The following ZSWIM5 variants were observed in gnomAD, a reference collection of about 807,000 sequenced individuals.
ZSWIM5 encodes the protein zinc finger SWIM domain-containing protein 5.
A neutral mutation model predicts 119.6 loss-of-function variants in ZSWIM5; 55 were observed. That is an observed-to-expected ratio of 0.46 (90% CI 0.37 to 0.58). ZSWIM5 has a LOEUF of 0.58. Among genes scored for constraint, ZSWIM5 ranks in the 20% least tolerant of loss-of-function variants. The pLI is 0.00. For synonymous variants in ZSWIM5, 537 were observed against 606.9 expected, an observed-to-expected ratio of 0.88 and a Z score of 1.69; for missense variants, 1,193 against 1,512.8, an observed-to-expected ratio of 0.79 and a Z score of 3.51.
rs756684057 is a variant in ZSWIM5, at chr1:45,205,815, G to A, written c.536C>T (p.Pro179Leu). ...CAGCAGACGGATGCCCCGGCGGAAC[G>A]GGAGCCCCTCGCCACCGCAGCCGGC... ...GAAGCGGEGL[P>L]FRRGIRLLDS... Residue 179 changes from proline to leucine, a missense_variant, in exon 1 of 14, where the codon CCG becomes CTG. This residue lies in a region of ZSWIM5 where 961 missense variants were observed against 1,290.0 expected (regional missense o/e 0.74). Coordinates refer to ENST00000359600, the MANE Select transcript of ZSWIM5 (RefSeq NM_020883.2). 1.3e-6 allele frequency: 2 copies of A among 1,536,034 alleles called. No homozygotes were observed. Among genetic ancestry groups the A allele is most frequent in the African/African-American group, 1.4e-5 (1 of 70,902 alleles).
intron 1 of ZSWIM5, among the ~76,000 whole-genome samples, chr1:45,131,303 T>C (rs544802671): frequency 6.7e-4 from 102 of 152,312 alleles, no homozygotes; most frequent in Non-Finnish European, 1.1e-3. Context: ...TATAAATTTA[T>C]AATTATCTCA....
rs539391084 is a variant in ZSWIM5 at position 45,108,133 on chromosome 1, A to C, written c.596-19896T>G. 2.0e-5 allele frequency among the ~76,000 whole-genome samples: 3 copies of C among 152,310 alleles called. No individual in the cohort carries two copies. In the East Asian group the frequency reaches 5.8e-4, roughly 29 times the overall value. On this transcript the variant is annotated intron_variant, in intron 1 of 13. Transcript: ENST00000359600. ...TCCTTTTCAGCTCACAGATTTGAAC[A>C]TAGATTGGGAAAAATAAATCACCCT...
At chr1:45,107,064 C>A (rs1012729043) in intron 1 of ZSWIM5, among the ~76,000 whole-genome samples, 2 of 152,178 alleles carry the variant, frequency 1.3e-5, no homozygotes, top group African/African-American at 4.8e-5. Context: ...TACCCAGGGA[C>A]ACAAACAGGG....
chr1:45,051,339 TA>T, intron 4 of ZSWIM5, 86 bp from the exon 5 acceptor site: 1 of 1,335,702 alleles, frequency 7.5e-7, no homozygotes, highest in Non-Finnish European at 1.0e-6. Flanking sequence ...TTTTAGATGG[TA>T]GAGAAAGTTT....
chr1:45,051,246 T>C lies in ZSWIM5; in HGVS notation c.1260A>G (p.Leu420=). 1 of 1,613,316 alleles carries C rather than the reference T, an allele frequency of 6.2e-7. No homozygotes were observed. Among genetic ancestry groups the C allele is most frequent in the Non-Finnish European group, 8.5e-7 (1 of 1,179,760 alleles). Residue 420 remains leucine (L), a synonymous_variant, in exon 5 of 14, where the codon TTA becomes TTG. Transcript: ENST00000359600. ...CRQLWDELGA[L]WVCIILNPHC... is the part of the protein sequence containing the mutation. The stretch of plus-strand genomic sequence containing the variant: ...GTGGATTTAAAATTATGCACACCCA[T>C]AAAGCCCCTGGAAAATAAAGCAACC...
chr1:45,065,156 G>C (rs1489679771), intron 2 of ZSWIM5, among the ~76,000 whole-genome samples: 1 of 152,174 alleles, frequency 6.6e-6, no homozygotes, highest in Non-Finnish European at 1.5e-5. Context: ...AACAATTCTG[G>C]TTTTCAGGAG....
chr1:45,159,047 A>G (rs1645847677), intron 1 of ZSWIM5, among the ~76,000 whole-genome samples: 1 of 152,208 alleles, frequency 6.6e-6, no homozygotes, highest in Non-Finnish European at 1.5e-5. Flanking sequence ...ATACAACTGT[A>G]CTGAATCCTA....
intron 1 of ZSWIM5, among the ~76,000 whole-genome samples, chr1:45,100,811 A>G (rs1188627889): frequency 6.6e-6 from 1 of 152,218 alleles, no homozygotes; most frequent in African/African-American, 2.4e-5. Context: ...AGGATTCCCT[A>G]TTTAATAAAT....
intron 5 of ZSWIM5, 124 bp from the exon 6 acceptor site, chr1:45,043,519 T>C (rs1645029524): frequency 2.1e-6 from 2 of 931,666 alleles, no homozygotes; most frequent in African/African-American, 3.3e-5. Context: ...CTGGCAGCAG[T>C]ATTGAGAACA....
intron 1 of ZSWIM5, among the ~76,000 whole-genome samples, chr1:45,150,607 A>G (rs889234995): frequency 6.6e-6 from 1 of 152,144 alleles, no homozygotes; most frequent in East Asian, 1.9e-4. Flanking sequence ...TTCTGCCCCT[A>G]TACCCTTAAC....
At chr1:45,036,486 C>A (rs1644985301) in intron 8 of ZSWIM5, among the ~76,000 whole-genome samples, 187 bp from the exon 9 acceptor site, 2 of 151,648 alleles carry the variant, frequency 1.3e-5, no homozygotes, top group African/African-American at 4.8e-5. Context: ...TCCCAAGTAG[C>A]TGGGATTACA....
intron 1 of ZSWIM5, among the ~76,000 whole-genome samples, chr1:45,133,232 A>G (rs1198945380): frequency 6.6e-6 from 1 of 152,246 alleles, no homozygotes; most frequent in Non-Finnish European, 1.5e-5. Flanking sequence ...TCCCACCAAC[A>G]GTGGAAAAGT....
At chr1:45,131,891 T>C (rs766043388) in intron 1 of ZSWIM5, among the ~76,000 whole-genome samples, 5 of 151,490 alleles carry the variant, frequency 3.3e-5, no homozygotes, top group Non-Finnish European at 5.9e-5. Flanking sequence ...ATAAAAGTTA[T>C]ATACAATTAT....
chr1:45,116,126 G>C (rs1005645818), intron 1 of ZSWIM5, among the ~76,000 whole-genome samples: 1 of 152,086 alleles, frequency 6.6e-6, no homozygotes, highest in Non-Finnish European at 1.5e-5. Flanking sequence ...AGAGAGGGAG[G>C]GGGAGGGGGA....
intron 11 of ZSWIM5, among the ~76,000 whole-genome samples, chr1:45,023,127 G>A (rs1001712244): frequency 1.3e-5 from 2 of 152,176 alleles, no homozygotes; most frequent in Admixed American, 6.5e-5. Context: ...GGTTCACTCT[G>A]TGTTATACAG....
chr1:45,045,969 G>T (rs750959379), intron 5 of ZSWIM5, among the ~76,000 whole-genome samples: 1 of 152,072 alleles, frequency 6.6e-6, no homozygotes, highest in Non-Finnish European at 1.5e-5. Flanking sequence ...AAAAGGAACC[G>T]CAAGCACTAA....
At chr1:45,139,034 A>C (rs1426877204) in intron 1 of ZSWIM5, among the ~76,000 whole-genome samples, 2 of 151,778 alleles carry the variant, frequency 1.3e-5, no homozygotes, top group Non-Finnish European at 2.9e-5. Flanking sequence ...GGCACCTGCC[A>C]CCATGCCCGG....
intron 2 of ZSWIM5, among the ~76,000 whole-genome samples, chr1:45,079,650 C>A (rs1343001099): frequency 6.6e-6 from 1 of 152,122 alleles, no homozygotes; most frequent in Non-Finnish European, 1.5e-5. Context: ...AAGACAAAGT[C>A]CCCTTTGCTT....
chr1:45,064,739 C>A (rs115145161), intron 2 of ZSWIM5, among the ~76,000 whole-genome samples: 2,096 of 152,282 alleles, frequency 0.014, 32 homozygotes, highest in South Asian at 0.057. Context: ...TTCATAACAA[C>A]TCTATGAGGC....
Sources: gnomAD v4.1 joint callset for allele counts (sites outside exome capture counted in the v4.1 genomes callset) on GRCh38, gnomAD v4.1.1 for gene constraint, gnomAD v4.1.1 regional missense constraint, MANE v1.5 for transcripts, NCBI Gene and HGNC (gene_info 2026-07-23, HGNC 2026-07-21) for gene names.